The following KIF26B variants were observed in gnomAD, a reference collection of about 807,000 sequenced individuals.
KIF26B encodes kinesin family member 26B, also known as kinesin-like protein KIF26B.
Under a neutral mutation model 151.2 loss-of-function variants are expected in KIF26B, and 63 were observed. The ratio of observed to expected loss-of-function variants is 0.42; its 90% CI spans 0.34 to 0.51. The LOEUF is 0.51. KIF26B is among the 20% of genes least tolerant of loss of function. KIF26B has a pLI of 0.07. For missense variants in KIF26B, 2,813 were observed against 2,913.6 expected (o/e 0.97, Z 0.79); for synonymous variants, 1,357 against 1,262.1 (o/e 1.08, Z -1.59).
At chr1:245,361,637 G>A (rs1404268879) in intron 2 of KIF26B, among the ~76,000 whole-genome samples, 2 of 152,160 alleles carry the variant, frequency 1.3e-5, no homozygotes, top group Admixed American at 6.5e-5. Flanking sequence ...AAGTAGGGGT[G>A]CAGGCGATCA....
intron 2 of KIF26B, among the ~76,000 whole-genome samples, chr1:245,274,532 T>C (rs1670907450): frequency 6.6e-6 from 1 of 152,180 alleles, no homozygotes; most frequent in South Asian, 2.1e-4. Context: ...GCTTCATCCA[T>C]GTCCCTGCAA....
chr1:245,309,223 G>T (rs1219192868), intron 2 of KIF26B, among the ~76,000 whole-genome samples: 2 of 152,136 alleles, frequency 1.3e-5, no homozygotes, highest in East Asian at 3.8e-4. Context: ...ACGTTGTGAT[G>T]GTTAATTTTC....
chr1:245,459,832 G>A (rs1413870149), intron 4 of KIF26B, among the ~76,000 whole-genome samples: 1 of 152,018 alleles, frequency 6.6e-6, no homozygotes, highest in East Asian at 1.9e-4. Flanking sequence ...TCTGAAATGT[G>A]CACCTGTGAT....
At chr1:245,195,855 A>G (rs1378520777) in intron 2 of KIF26B, among the ~76,000 whole-genome samples, 8 of 152,344 alleles carry the variant, frequency 5.3e-5, no homozygotes, top group African/African-American at 1.9e-4. Flanking sequence ...TGTGCTCGGA[A>G]CCATTTGAGG....
chr1:245,678,682 T>C (rs1024975346), intron 10 of KIF26B, among the ~76,000 whole-genome samples: 3 of 151,732 alleles, frequency 2.0e-5, no homozygotes, highest in South Asian at 2.1e-4. Context: ...GCCAACATGG[T>C]GAAATCCCGT....
intron 4 of KIF26B, among the ~76,000 whole-genome samples, chr1:245,427,182 T>G (rs764564789): frequency 6.6e-6 from 1 of 152,220 alleles, no homozygotes; most frequent in Non-Finnish European, 1.5e-5. Context: ...AAAATTGAGC[T>G]GGGTGTCTGA....
At chr1:245,357,467 G>A (rs915867827) in intron 2 of KIF26B, among the ~76,000 whole-genome samples, 4 of 152,188 alleles carry the variant, frequency 2.6e-5, no homozygotes, top group Non-Finnish European at 4.4e-5. Flanking sequence ...GTCAGACTTC[G>A]CGGAAGAGCG....
rs1669901864 is a variant in KIF26B, at chr1:245,227,629, C to T, written c.465+70946C>T. ...AAGAACACAGTTACAGTATTAGACT[C>T]ACTGTTTCCTGAGCCACTAAATGTA... On this transcript the variant is annotated intron_variant, in intron 2 of 14. Coordinates refer to ENST00000407071, the MANE Select transcript of KIF26B (RefSeq NM_018012.4). The surrounding 1 kb of genome is among the most constrained non-coding windows in gnomAD (Gnocchi z 4.1). 6.6e-6 allele frequency among the ~76,000 whole-genome samples: 1 copy of T among 152,182 alleles called. No homozygotes were observed. The highest frequency in any genetic ancestry group is 2.1e-4 in the South Asian group (1 of 4,826).
chr1:245,454,222 A>T (rs1052992368), intron 4 of KIF26B, among the ~76,000 whole-genome samples: 1 of 152,182 alleles, frequency 6.6e-6, no homozygotes. Flanking sequence ...CCCTTTTGTC[A>T]TTCTTGCCAT....
At chr1:245,230,214 G>A (rs969403883) in intron 2 of KIF26B, among the ~76,000 whole-genome samples, 4 of 151,336 alleles carry the variant, frequency 2.6e-5, no homozygotes, top group South Asian at 2.1e-4. Flanking sequence ...GAGACGAGGT[G>A]TACCGCAGAC....
chr1:245,478,207 G>A (rs1190875375), intron 4 of KIF26B, among the ~76,000 whole-genome samples: 1 of 151,760 alleles, frequency 6.6e-6, no homozygotes, highest in Non-Finnish European at 1.5e-5. Context: ...CCATGGTATG[G>A]ATAGACCAGT....
chr1:245,235,519 A>C (rs1357983720), intron 2 of KIF26B, among the ~76,000 whole-genome samples: 2 of 152,006 alleles, frequency 1.3e-5, no homozygotes, highest in East Asian at 3.9e-4. Context: ...CTTGAGCCTA[A>C]GAGTTTGAGG....
chr1:245,328,963 C>A (rs1672047302), intron 2 of KIF26B, among the ~76,000 whole-genome samples: 1 of 152,156 alleles, frequency 6.6e-6, no homozygotes, highest in Admixed American at 6.5e-5. Context: ...ATATTATAAT[C>A]TATTAGAGGG....
Position 245,686,248 on chromosome 1 carries a change from T to G in KIF26B, c.3265T>G (p.Cys1089Gly), listed in dbSNP as rs781393312. 9.9e-6 allele frequency: 16 copies of G among 1,612,578 alleles called. No homozygotes were observed. The East Asian group carries it at 3.3e-4, about 34-fold the overall frequency. ...YKPPSSPSQR[C>G]KVYTQKGVLP... ...GCCACCCAGCTCTCCTTCCCAGAGATGCAAAGTCTACACCCAGAAGGGGGT... is the reference window on the plus strand; with the variant it reads ...GCCACCCAGCTCTCCTTCCCAGAGAGGCAAAGTCTACACCCAGAAGGGGGT... Residue 1089 changes from cysteine (C) to glycine (G), a missense_variant, in exon 12 of 15, where the codon TGC becomes GGC. By Grantham distance (159) the Cys-to-Gly change is radical. Coordinates refer to ENST00000407071, the MANE Select transcript of KIF26B (RefSeq NM_018012.4). The surrounding 1 kb of genome is among the most constrained non-coding windows in gnomAD (Gnocchi z 5.6).
At chr1:245,679,433 G>GT (rs375193891) in intron 10 of KIF26B, among the ~76,000 whole-genome samples, 7 of 136,308 alleles carry the variant, frequency 5.1e-5, no homozygotes, top group Non-Finnish European at 7.7e-5. Context: ...AAATCTGGGG[G>GT]TTTTTTGTGT....
intron 4 of KIF26B, among the ~76,000 whole-genome samples, chr1:245,454,078 G>C (rs1014275639): frequency 5.3e-5 from 8 of 152,186 alleles, no homozygotes; most frequent in African/African-American, 1.9e-4. Context: ...AGTTGAAGTA[G>C]GGTGATTCAG....
At chr1:245,508,684 G>A (rs1450365503) in intron 4 of KIF26B, among the ~76,000 whole-genome samples, 7 of 152,124 alleles carry the variant, frequency 4.6e-5, no homozygotes, top group Non-Finnish European at 8.8e-5. Flanking sequence ...AGAAGAGTGA[G>A]TGTAAGTTCG....
intron 4 of KIF26B, among the ~76,000 whole-genome samples, chr1:245,455,011 C>G (rs568633675): frequency 6.6e-6 from 1 of 152,248 alleles, no homozygotes; most frequent in African/African-American, 2.4e-5. Flanking sequence ...TTTTCTAAAG[C>G]ACCTAAAAAT....
chr1:245,299,850 C>G (rs1227165992), intron 2 of KIF26B, among the ~76,000 whole-genome samples: 2 of 152,194 alleles, frequency 1.3e-5, no homozygotes, highest in Non-Finnish European at 2.9e-5. Context: ...AATAAGTCTC[C>G]TTGTACTGTA....
Sources: gnomAD v4.1 joint callset for allele counts (sites outside exome capture counted in the v4.1 genomes callset) on GRCh38, gnomAD v4.1.1 for gene constraint, Gnocchi (gnomAD v3.1) non-coding constraint, MANE v1.5 for transcripts, NCBI Gene and HGNC (gene_info 2026-07-23, HGNC 2026-07-21) for gene names.